Variants in DOCK10 observed in about 807,000 individuals in gnomAD.
DOCK10 encodes dedicator of cytokinesis 10.
DOCK10 carries 145 observed loss-of-function variants against 280.1 expected under a neutral mutation model. That is an observed-to-expected ratio of 0.52 (90% CI 0.45 to 0.59). The LOEUF is 0.59. DOCK10 is among the 20% of genes least tolerant of loss of function. DOCK10 has a pLI of 0.00. For synonymous variants in DOCK10, 915 were observed against 942.2 expected, an observed-to-expected ratio of 0.97 and a Z score of 0.53; for missense variants, 2,368 against 2,651.7, an observed-to-expected ratio of 0.89 and a Z score of 2.35.
intron 1 of DOCK10, among the ~76,000 whole-genome samples, chr2:224,936,811 G>C (rs777210541): frequency 1.3e-5 from 2 of 151,916 alleles, no homozygotes; most frequent in East Asian, 3.9e-4. Flanking sequence ...TGCTTTCCTC[G>C]TGGTGAGAAA....
rs775447322 is a variant in DOCK10 at position 224,886,200 on chromosome 2, T to C, written c.490-15A>G. 26 of 1,613,642 alleles carry C rather than the reference T, an allele frequency of 1.6e-5. 1 individual carries two copies. The highest frequency in any genetic ancestry group is 1.4e-4 in the South Asian group (13 of 91,072). On this transcript the variant is annotated splice_polypyrimidine_tract_variant and intron_variant, in intron 5 of 55. Transcript: ENST00000258390. ...GAAGTGGTATCCTGTAGGAAAGGCA[T>C]AGTAGCATGACAGCCATCTTTTGTG...
chr2:224,857,089 T>C lies in DOCK10; in HGVS notation c.1686-107A>G, dbSNP rs563089469. The stretch of plus-strand genomic sequence containing the variant: ...TTCTCATTTATAATCAGAGAAACTC[T>C]AAGAACTTATAAAATAAAAAGACCA... On this transcript the variant is annotated intron_variant, in intron 14 of 55. Coordinates refer to ENST00000258390, the MANE Select transcript of DOCK10 (RefSeq NM_014689.3). The C allele has an allele frequency of 1.9e-4, 179 of 932,940 alleles. 2 individuals are homozygous for C. The South Asian group carries it at 6.3e-3, about 33-fold the overall frequency. The allele number at this position is 932,940 out of a possible 1,614,324, so 57.8% of individuals were successfully genotyped here.
At chr2:224,830,993 G>C (rs982141552) in intron 26 of DOCK10, among the ~76,000 whole-genome samples, 2 of 151,076 alleles carry the variant, frequency 1.3e-5, no homozygotes, top group Non-Finnish European at 2.9e-5. Context: ...GAGTGCAGTG[G>C]TGCAATCACA....
intron 1 of DOCK10, among the ~76,000 whole-genome samples, chr2:225,024,006 T>G (rs973215079): frequency 6.6e-6 from 1 of 152,238 alleles, no homozygotes; most frequent in Non-Finnish European, 1.5e-5. Context: ...CCTGATCCGA[T>G]GTACTAAGGA....
chr2:225,014,086 T>A (rs1195549668), intron 1 of DOCK10, among the ~76,000 whole-genome samples: 4,651 of 102,548 alleles, frequency 0.045, 155 homozygotes, highest in Middle Eastern at 0.062. Context: ...AATATATTGT[T>A]TTTTTTTTTT....
At chr2:224,878,046 T>A (rs1300646608) in intron 7 of DOCK10, among the ~76,000 whole-genome samples, 1 of 152,196 alleles carries the variant, frequency 6.6e-6, no homozygotes, top group Non-Finnish European at 1.5e-5. Context: ...ATGAGATCAA[T>A]AGTGTGGGAT....
At chr2:225,005,950 C>T (rs1249453804) in intron 1 of DOCK10, among the ~76,000 whole-genome samples, 5 of 152,186 alleles carry the variant, frequency 3.3e-5, no homozygotes, top group African/African-American at 7.2e-5. Flanking sequence ...CTGATGCTCA[C>T]TGCCAAAGAC....
intron 1 of DOCK10, among the ~76,000 whole-genome samples, chr2:224,974,964 C>T (rs763707374): frequency 6.7e-6 from 1 of 150,274 alleles, no homozygotes; most frequent in South Asian, 2.1e-4. Context: ...TATCACCTCC[C>T]CCAATCACCA....
chr2:225,035,558 AT>A lies in DOCK10; in HGVS notation c.123+6693del, dbSNP rs1559986254. ...TGATATATATTATATATATATATATATATATATATATATATATATATATATA... is the reference window on the plus strand; with the variant it reads ...TGATATATATTATATATATATATATAATATATATATATATATATATATATA... On this transcript the variant is annotated intron_variant, in intron 1 of 55. Transcript: ENST00000258390. 2.7e-4 allele frequency among the ~76,000 whole-genome samples: 11 copies of A among 40,740 alleles called. 1 individual carries two copies. Among genetic ancestry groups the A allele is most frequent in the African/African-American group, 9.4e-4 (11 of 11,644 alleles). 26.7% of individuals were successfully genotyped at this position (40,740 alleles called of 152,430 possible). A position where few individuals can be genotyped will look rare whatever the true frequency, so the allele number is the denominator to read the frequency against.
intron 1 of DOCK10, among the ~76,000 whole-genome samples, chr2:224,961,412 C>CTTTCTTTCTTTCTT (rs57668925): frequency 0.049 from 5,895 of 119,368 alleles, 264 homozygotes; most frequent in Admixed American, 0.055. Flanking sequence ...TTCTTTCTTT[C>CTTTCTTTCTTTCTT]TCTTTCTTTC....
At chr2:224,983,572 G>A (rs1705859127) in intron 1 of DOCK10, 2 of 306,046 alleles carry the variant, frequency 6.5e-6, no homozygotes, top group Non-Finnish European at 1.3e-5. Context: ...GGAAGTTTGA[G>A]GAAGGATTGT....
At chr2:224,911,403 G>T (rs1701004755) in intron 3 of DOCK10, among the ~76,000 whole-genome samples, 1 of 152,156 alleles carries the variant, frequency 6.6e-6, no homozygotes, top group Non-Finnish European at 1.5e-5. Context: ...AAAACTGAAG[G>T]CCTCTGGGAA....
At chr2:224,794,840 A>T (rs755027267) in intron 45 of DOCK10, 39 bp downstream of exon 45, 8 of 1,599,460 alleles carry the variant, frequency 5.0e-6, no homozygotes, top group Admixed American at 3.3e-5. Flanking sequence ...GATAAAGAGG[A>T]CAATACTGAT....
intron 31 of DOCK10, among the ~76,000 whole-genome samples, chr2:224,810,414 A>G (rs1399338296): frequency 1.3e-5 from 2 of 152,194 alleles, no homozygotes; most frequent in Non-Finnish European, 2.9e-5. Context: ...GTGGAGGTCA[A>G]ATACGTAGCA....
intron 26 of DOCK10, among the ~76,000 whole-genome samples, chr2:224,831,362 AAT>A (rs907082702): frequency 3.9e-5 from 6 of 152,178 alleles, no homozygotes; most frequent in African/African-American, 1.4e-4. Context: ...TGTTAAATAA[AAT>A]ATGTTTGATC....
In DOCK10 at chr2:224,797,149, G is replaced by A. The variant is rs761993797; in HGVS notation, c.4645-3C>T. ...CCTTGAAAGAACGCTGAAGGAAACT[G>A]CAGAAATGGAAGAACGGGTGAAGGG... On this transcript the variant is annotated splice_region_variant and splice_polypyrimidine_tract_variant and intron_variant, in intron 42 of 55. Transcript: ENST00000258390. The A allele has an allele frequency of 2.5e-6, 4 of 1,594,546 alleles. No homozygotes were observed. Among genetic ancestry groups the A allele is most frequent in the East Asian group, 2.3e-5 (1 of 44,328 alleles).
At chr2:225,003,073 G>A (rs1345799478) in intron 1 of DOCK10, among the ~76,000 whole-genome samples, 1 of 152,088 alleles carries the variant, frequency 6.6e-6, no homozygotes, top group Non-Finnish European at 1.5e-5. Context: ...TTAGAGACAG[G>A]GTCTCACTTT....
At chr2:224,863,665 G>A (rs1697680254) in intron 13 of DOCK10, among the ~76,000 whole-genome samples, 1 of 152,230 alleles carries the variant, frequency 6.6e-6, no homozygotes, top group African/African-American at 2.4e-5. Context: ...TGTTAGCCAG[G>A]ATGGTCTCCA....
At chr2:224,818,217 C>T (rs537152085) in intron 29 of DOCK10, among the ~76,000 whole-genome samples, 4 of 152,238 alleles carry the variant, frequency 2.6e-5, no homozygotes, top group African/African-American at 9.6e-5. Flanking sequence ...ATGGTGGTTC[C>T]ATACAATGAG....
Sources: allele counts gnomAD v4.1 joint callset (sites outside exome capture counted in the v4.1 genomes callset), GRCh38; gene constraint gnomAD v4.1.1; transcripts MANE v1.5; gene names NCBI Gene and HGNC (gene_info 2026-07-23, HGNC 2026-07-21).